The following NIN variants were observed in gnomAD, a reference collection of about 807,000 sequenced individuals.
NIN encodes ninein.
In NIN, 137 loss-of-function variants were observed where a neutral mutation model predicts 257.6. The ratio of observed to expected loss-of-function variants is 0.53; its 90% confidence interval spans 0.46 to 0.61. NIN has a LOEUF of 0.61. Among genes scored for constraint, NIN ranks in the 20% least tolerant of loss-of-function variants. NIN has a pLI of 0.00. For synonymous variants in NIN, 918 were observed against 919.8 expected, an observed-to-expected ratio of 1.00 and a Z score of 0.04; for missense variants, 2,439 against 2,501.2, an observed-to-expected ratio of 0.98 and a Z score of 0.53.
chr14:50,790,111 G>A (rs1421669567), intron 5 of NIN, among the ~76,000 whole-genome samples: 1 of 152,202 alleles, frequency 6.6e-6, no homozygotes, highest in African/African-American at 2.4e-5. Flanking sequence ...CTGGAGTGCA[G>A]TGGCACGATC....
intron 23 of NIN, 117 bp from the exon 24 acceptor site, chr14:50,743,646 C>G (rs2041397493): frequency 1.6e-6 from 1 of 629,344 alleles, no homozygotes; most frequent in African/African-American, 1.8e-5. Context: ...TGTAGGGGAG[C>G]AGGGCAAGGT....
intron 25 of NIN, among the ~76,000 whole-genome samples, 155 bp from the exon 26 acceptor site, chr14:50,739,642 T>C (rs1266331334): frequency 1.3e-5 from 2 of 152,262 alleles, no homozygotes; most frequent in African/African-American, 4.8e-5. Flanking sequence ...TATGTACATA[T>C]AAATATGAAT....
chr14:50,770,820 G>T, intron 11 of NIN, 32 bp downstream of exon 11: 2 of 1,599,980 alleles, frequency 1.3e-6, no homozygotes, highest in South Asian at 1.1e-5. Context: ...CAGGGTGGTG[G>T]GTGAGGAGGA....
intron 30 of NIN, among the ~76,000 whole-genome samples, chr14:50,725,049 C>T (rs1005848485): frequency 1.3e-5 from 2 of 152,168 alleles, no homozygotes; most frequent in East Asian, 1.9e-4. Context: ...CCCACAGTAA[C>T]TATGTGTTGA....
At chr14:50,743,591 T>G in intron 23 of NIN, 62 bp from the exon 24 acceptor site, 1 of 916,848 alleles carries the variant, frequency 1.1e-6, no homozygotes. Context: ...AGCCTTAATT[T>G]ATATGCCTGC....
At chr14:50,750,246 T>C (rs1369473131) in intron 21 of NIN, among the ~76,000 whole-genome samples, 1 of 152,180 alleles carries the variant, frequency 6.6e-6, no homozygotes, top group Non-Finnish European at 1.5e-5. Flanking sequence ...AGGAGAATGG[T>C]GCTTAGTAAC....
intron 3 of NIN, among the ~76,000 whole-genome samples, chr14:50,809,316 G>A (rs1293353619): frequency 6.6e-6 from 1 of 152,134 alleles, no homozygotes; most frequent in Non-Finnish European, 1.5e-5. Context: ...GGTGGGGGCG[G>A]CGGCAGGGAG....
intron 2 of NIN, among the ~76,000 whole-genome samples, chr14:50,830,068 C>G (rs1167389482): frequency 2.0e-5 from 3 of 152,264 alleles, no homozygotes; most frequent in Admixed American, 6.5e-5. Context: ...AAGCAGCTCT[C>G]CGCTACTCAG....
At chr14:50,751,860 G>A (rs182423686) in intron 21 of NIN, among the ~76,000 whole-genome samples, 9 of 152,166 alleles carry the variant, frequency 5.9e-5, no homozygotes, top group Admixed American at 1.3e-4. Context: ...TTATTTGTTC[G>A]TATGCTTCTC....
intron 27 of NIN, among the ~76,000 whole-genome samples, chr14:50,736,309 ATT>A (rs766189882): frequency 1.4e-5 from 2 of 144,918 alleles, no homozygotes; most frequent in Middle Eastern, 3.4e-3. Flanking sequence ...GTTTTTGTAT[ATT>A]TTTTTTTTTT....
rs1015196643 is a variant in NIN at position 50,783,246 on chromosome 14, G to T, written c.436-4442C>A. On this transcript the variant is annotated intron_variant, in intron 5 of 30. Transcript: ENST00000530997. Reference sequence around the variant, plus strand: ...GTATTTTTTTTTTTTTGTAGAGATGGGGTTTTGCCATGTTGCCCAGGCTGG... The same window carrying T: ...GTATTTTTTTTTTTTTGTAGAGATGTGGTTTTGCCATGTTGCCCAGGCTGG... Among the ~76,000 whole-genome samples, 29 of 151,782 alleles carry T rather than the reference G, an allele frequency of 1.9e-4. No homozygotes were observed. In the Middle Eastern group the frequency reaches 0.014, roughly 72 times the overall value.
chr14:50,757,850 C>CA lies in NIN; in HGVS notation c.3179dup (p.Leu1060PhefsTer16), dbSNP rs750420663. The CA allele has an allele frequency of 6.2e-7, 1 of 1,614,146 alleles. No homozygotes were observed. Among genetic ancestry groups the CA allele is most frequent in the Admixed American group, 1.7e-5 (1 of 60,024 alleles). On this transcript the variant is annotated frameshift_variant, in exon 18 of 31. Coordinates refer to ENST00000530997, the MANE Select transcript of NIN (RefSeq NM_020921.4). LOFTEE classifies it high-confidence loss of function. The stretch of plus-strand genomic sequence containing the variant: ...TTAAGAGGACGTCCCCATTTTCTTC[C>CA]AACAGCTGCTCCCCTTGCTGAAGCA...
chr14:50,745,568 T>C (rs1464040288), intron 22 of NIN, among the ~76,000 whole-genome samples: 1 of 152,196 alleles, frequency 6.6e-6, no homozygotes, highest in Non-Finnish European at 1.5e-5. Flanking sequence ...CAAAACAGAC[T>C]TTCAGGGTTC....
At position 50,754,870 on chromosome 14, in the gene NIN, G is replaced by T; in HGVS notation, c.4539-3C>A. The T allele has an allele frequency of 1.3e-6, 2 of 1,544,816 alleles. No homozygotes were observed. The highest frequency in any genetic ancestry group is 2.5e-5 in the South Asian group (2 of 81,128). On this transcript the variant is annotated splice_polypyrimidine_tract_variant and splice_region_variant and intron_variant, in intron 18 of 30. Coordinates refer to ENST00000530997, the MANE Select transcript of NIN (RefSeq NM_020921.4). Reference sequence around the variant, plus strand: ...GTTGAAGCTTTTCAGATTCATATCTGAAGCACAGAGATTGAAAAAAATTGT... The same window carrying T: ...GTTGAAGCTTTTCAGATTCATATCTTAAGCACAGAGATTGAAAAAAATTGT...
intron 3 of NIN, among the ~76,000 whole-genome samples, chr14:50,815,135 CT>C (rs2044826768): frequency 6.6e-6 from 1 of 152,188 alleles, no homozygotes; most frequent in Non-Finnish European, 1.5e-5. Context: ...TTTTTGCAAT[CT>C]ATCCATCTGA....
intron 2 of NIN, among the ~76,000 whole-genome samples, chr14:50,825,234 A>C (rs1422293322): frequency 2.0e-5 from 3 of 152,252 alleles, no homozygotes; most frequent in African/African-American, 4.8e-5. Context: ...TTATCTACAG[A>C]TCTACCTCCA....
intron 4 of NIN, among the ~76,000 whole-genome samples, chr14:50,793,747 C>T (rs2043706302): frequency 6.6e-6 from 1 of 152,172 alleles, no homozygotes; most frequent in African/African-American, 2.4e-5. Context: ...CCACCACCTC[C>T]ACCGCCACAA....
chr14:50,791,448 T>G (rs998777939), intron 5 of NIN, among the ~76,000 whole-genome samples: 7 of 146,742 alleles, frequency 4.8e-5, no homozygotes, highest in Admixed American at 6.7e-5. Context: ...CTTTTGTGGG[T>G]TTTTTTTTTC....
chr14:50,793,469 C>G (rs969601164), intron 4 of NIN, among the ~76,000 whole-genome samples: 1 of 151,936 alleles, frequency 6.6e-6, no homozygotes, highest in Non-Finnish European at 1.5e-5. Context: ...ATATGAAACC[C>G]GGCATCAAGA....
Sources: gnomAD v4.1 joint callset for allele counts (sites outside exome capture counted in the v4.1 genomes callset) on GRCh38, gnomAD v4.1.1 for gene constraint, MANE v1.5 for transcripts, NCBI Gene and HGNC (gene_info 2026-07-23, HGNC 2026-07-21) for gene names.